Variants in SLC44A5 observed in about 807,000 individuals in gnomAD.
The protein encoded by SLC44A5 is solute carrier family 44 member 5.
Under a neutral mutation model 101.8 loss-of-function variants are expected in SLC44A5, and 57 were observed. The observed-to-expected ratio is 0.56, with a 90% CI of 0.45 to 0.70. The LOEUF is 0.70. Among genes scored for constraint, SLC44A5 ranks in the 30% least tolerant of loss-of-function variants. SLC44A5 has a pLI of 0.00. For missense variants in SLC44A5, 737 were observed against 853.1 expected (o/e 0.86, Z 1.70); for synonymous variants, 281 against 290.9 (o/e 0.97, Z 0.35).
intron 2 of SLC44A5, among the ~76,000 whole-genome samples, chr1:75,432,556 A>G (rs1664673273): frequency 6.6e-6 from 1 of 152,204 alleles, no homozygotes; most frequent in Non-Finnish European, 1.5e-5. Context: ...TGATGCCAAT[A>G]GGAATCATTT....
chr1:75,350,829 G>A (rs1398744486), intron 3 of SLC44A5, among the ~76,000 whole-genome samples: 1 of 146,716 alleles, frequency 6.8e-6, no homozygotes, highest in Admixed American at 6.9e-5. Context: ...AGGAGGTGAA[G>A]GTTGCAGTGA....
chr1:75,669,777 A>C, the SLC44A5 span, among the ~76,000 whole-genome samples: 1 of 152,148 alleles, frequency 6.6e-6, no homozygotes, highest in Non-Finnish European at 1.5e-5. Context: ...TACTTGAGCA[A>C]TTTCTTCACA....
At chr1:75,230,329 C>T (rs963863510) in intron 12 of SLC44A5, among the ~76,000 whole-genome samples, 1 of 151,834 alleles carries the variant, frequency 6.6e-6, no homozygotes, top group Non-Finnish European at 1.5e-5. Context: ...CTCACTGCAA[C>T]CTCCGCCTCC....
chr1:75,318,934 C>T (rs1655924490), intron 4 of SLC44A5, among the ~76,000 whole-genome samples: 1 of 152,144 alleles, frequency 6.6e-6, no homozygotes, highest in Admixed American at 6.6e-5. Context: ...TCAAATATCA[C>T]TCCCAACCCC....
the SLC44A5 span, among the ~76,000 whole-genome samples, chr1:75,649,845 C>G: frequency 0.49 from 74,687 of 151,972 alleles, 19,598 homozygotes; most frequent in East Asian, 0.93. Context: ...TACTGAAAAG[C>G]AAGGACCTAG....
chr1:75,258,594 G>A (rs1035604896), intron 6 of SLC44A5, among the ~76,000 whole-genome samples: 1 of 152,110 alleles, frequency 6.6e-6, no homozygotes, highest in African/African-American at 2.4e-5. Context: ...GCGGTCGGGG[G>A]TCCAGCTTCA....
intron 5 of SLC44A5, among the ~76,000 whole-genome samples, chr1:75,295,148 A>G (rs1481504231): frequency 6.6e-6 from 1 of 152,234 alleles, no homozygotes; most frequent in Non-Finnish European, 1.5e-5. Context: ...TGTACACCTT[A>G]AATATATACT....
chr1:75,510,409 C>A (rs1195928800), intron 2 of SLC44A5, among the ~76,000 whole-genome samples: 1 of 151,736 alleles, frequency 6.6e-6, no homozygotes, highest in Non-Finnish European at 1.5e-5. Context: ...ATTTATATGC[C>A]AGTGAAAAGA....
At chr1:75,670,088 A>C in the SLC44A5 span, among the ~76,000 whole-genome samples, 1 of 152,182 alleles carries the variant, frequency 6.6e-6, no homozygotes, top group African/African-American at 2.4e-5. Flanking sequence ...AAATTACAAG[A>C]CTTCTAAAAT....
In SLC44A5 at chr1:75,311,724, A is replaced by G. The variant is rs111998408; in HGVS notation, c.102-11039T>C. ...GTTTAGTCTGGGGAACAGATAATAA[A>G]TAAGTAACGATCAATCAATAAAATG... On this transcript the variant is annotated intron_variant, in intron 4 of 23. Coordinates refer to ENST00000370859, the MANE Select transcript of SLC44A5 (RefSeq NM_001130058.2). 1,556 of 166,658 alleles carry G rather than the reference A, an allele frequency of 9.3e-3. 22 individuals are homozygous for G. The highest frequency in any genetic ancestry group is 0.047 in the South Asian group (237 of 5,066). The allele number at this position is 166,658 out of a possible 1,614,324, so 10.3% of individuals were successfully genotyped here.
intron 5 of SLC44A5, among the ~76,000 whole-genome samples, chr1:75,277,912 C>T (rs907622688): frequency 2.0e-5 from 3 of 152,036 alleles, no homozygotes; most frequent in African/African-American, 4.8e-5. Flanking sequence ...AGACTTTGAG[C>T]TGAAAGCTAC....
chr1:75,393,701 A>G (rs1220384440), intron 3 of SLC44A5, among the ~76,000 whole-genome samples: 2 of 152,204 alleles, frequency 1.3e-5, no homozygotes, highest in Admixed American at 6.5e-5. Context: ...TGCTCACTTC[A>G]CAACTTGATT....
chr1:75,380,938 G>A lies in SLC44A5; in HGVS notation c.52+15645C>T, dbSNP rs561563046. Among the ~76,000 whole-genome samples, 3 of 82,818 alleles carry A rather than the reference G, an allele frequency of 3.6e-5. 1 individual carries two copies. In the South Asian group the frequency reaches 1.1e-3, roughly 30 times the overall value. The allele number at this position is 82,818 out of a possible 152,430, so 54.3% of individuals were successfully genotyped here. A position where few individuals can be genotyped will look rare whatever the true frequency, so the allele number is the denominator to read the frequency against. On this transcript the variant is annotated intron_variant, in intron 3 of 23. Coordinates refer to ENST00000370859, the MANE Select transcript of SLC44A5 (RefSeq NM_001130058.2). ...TTATCCTCCTATTTGCCTAGGGAGA[G>A]CACCAGGATGTTTAATGGCTGCAGT...
intron 2 of SLC44A5, among the ~76,000 whole-genome samples, chr1:75,443,852 A>G (rs562584201): frequency 6.6e-6 from 1 of 152,184 alleles, no homozygotes; most frequent in East Asian, 1.9e-4. Flanking sequence ...AATATAAGAA[A>G]AACGTGGTAA....
intron 2 of SLC44A5, among the ~76,000 whole-genome samples, chr1:75,538,900 C>T (rs1456305227): frequency 6.6e-6 from 1 of 152,142 alleles, no homozygotes; most frequent in Non-Finnish European, 1.5e-5. Context: ...TATTGGTGTT[C>T]CCCCTCCATG....
intron 1 of SLC44A5, among the ~76,000 whole-genome samples, chr1:75,583,868 A>G (rs964043017): frequency 6.6e-6 from 1 of 152,188 alleles, no homozygotes; most frequent in African/African-American, 2.4e-5. Context: ...CTCTAAAAAA[A>G]GTCTGAATAG....
the SLC44A5 span, among the ~76,000 whole-genome samples, chr1:75,654,495 A>G: frequency 6.6e-6 from 1 of 152,202 alleles, no homozygotes; most frequent in Non-Finnish European, 1.5e-5. Flanking sequence ...TGGGTACAAT[A>G]GAAAGATACC....
At chr1:75,342,534 A>G (rs1468382417) in intron 3 of SLC44A5, among the ~76,000 whole-genome samples, 4 of 123,486 alleles carry the variant, frequency 3.2e-5, no homozygotes, top group African/African-American at 1.2e-4. Context: ...TGGAAGGCAG[A>G]CTGTCCAACT....
At chr1:75,600,755 T>C (rs1328966678) in intron 1 of SLC44A5, among the ~76,000 whole-genome samples, 1 of 152,154 alleles carries the variant, frequency 6.6e-6, no homozygotes, top group Non-Finnish European at 1.5e-5. Flanking sequence ...TACAGTGGTG[T>C]TCTGTGCAGA....
Sources: allele counts gnomAD v4.1 joint callset (sites outside exome capture counted in the v4.1 genomes callset), GRCh38; gene constraint gnomAD v4.1.1; transcripts MANE v1.5; gene names NCBI Gene and HGNC (gene_info 2026-07-23, HGNC 2026-07-21).